The following ATXN8OS variants were observed in gnomAD, a reference collection of about 807,000 sequenced individuals.
The protein encoded by ATXN8OS is ATXN8 opposite strand lncRNA.
At chr13:70,127,526 C>A (rs1888456734) in intron 2 of ATXN8OS, among the ~76,000 whole-genome samples, 1 of 151,838 alleles carries the variant, frequency 6.6e-6, no homozygotes, top group African/African-American at 2.4e-5. Flanking sequence ...TTTCTATAAT[C>A]ATGTATTTCA....
At position 70,121,455 on chromosome 13, in the gene ATXN8OS, A is replaced by T. The variant is rs376219656; in HGVS notation, n.398+6157A>T. Among the ~76,000 whole-genome samples the T allele has an allele frequency of 1.4e-4, 22 of 152,236 alleles. No homozygotes were observed. The East Asian group carries it at 3.1e-3, about 21-fold the overall frequency. ...GAAAGGGTGTATAATTTAAGATTTTAAGAAAGGTGACCTGTATTGGATTAG... is the reference window on the plus strand; with the variant it reads ...GAAAGGGTGTATAATTTAAGATTTTTAGAAAGGTGACCTGTATTGGATTAG... On this transcript the variant is annotated intron_variant and non_coding_transcript_variant, in intron 2 of 4. Coordinates refer to ENST00000678624, the Ensembl canonical transcript of ATXN8OS.
At chr13:70,145,244 G>T (rs1050753400) in intron 3 of ATXN8OS, among the ~76,000 whole-genome samples, 4 of 152,090 alleles carry the variant, frequency 2.6e-5, no homozygotes, top group Non-Finnish European at 5.9e-5. Context: ...TGCTGTTTTG[G>T]TTACTGTAGC....
At chr13:70,138,497 A>G (rs978137337) in intron 3 of ATXN8OS, among the ~76,000 whole-genome samples, 4 of 152,080 alleles carry the variant, frequency 2.6e-5, no homozygotes, top group Non-Finnish European at 5.9e-5. Context: ...CTATCTCATT[A>G]TATTTATTCA....
At chr13:70,146,060 T>A in intron 3 of ATXN8OS, among the ~76,000 whole-genome samples, 1 of 37,900 alleles carries the variant, frequency 2.6e-5, no homozygotes, top group African/African-American at 1.3e-4. Flanking sequence ...TCAAACAAAT[T>A]TACAAGAAAA....
intron 1 of ATXN8OS, among the ~76,000 whole-genome samples, chr13:70,113,298 T>C (rs1462378898): frequency 7.1e-6 from 1 of 141,244 alleles, no homozygotes; most frequent in Non-Finnish European, 1.6e-5. Context: ...TGTAGACATA[T>C]AGATATAGAT....
chr13:70,117,480 T>C (rs1888296602), intron 2 of ATXN8OS, among the ~76,000 whole-genome samples: 1 of 152,110 alleles, frequency 6.6e-6, no homozygotes, highest in South Asian at 2.1e-4. Flanking sequence ...GTGCAAGAAG[T>C]CACAGCTTGA....
intron 2 of ATXN8OS, among the ~76,000 whole-genome samples, chr13:70,120,765 T>C (rs1888348794): frequency 6.6e-6 from 1 of 152,104 alleles, no homozygotes; most frequent in South Asian, 2.1e-4. Context: ...GTTCATGTCC[T>C]TTGTAGGGAC....
At chr13:70,108,132 C>T (rs1888123326) in intron 1 of ATXN8OS, 1 of 404,040 alleles carries the variant, frequency 2.5e-6, no homozygotes, top group Non-Finnish European at 4.4e-6. Context: ...GTGGCAGAGC[C>T]TTAGTAGGGA....
chr13:70,127,128 GTAAA>G (rs1263604452), intron 2 of ATXN8OS, among the ~76,000 whole-genome samples: 1 of 151,794 alleles, frequency 6.6e-6, no homozygotes, highest in Non-Finnish European at 1.5e-5. Context: ...ATCAAAAACT[GTAAA>G]TAAATTCAAA....
intron 3 of ATXN8OS, among the ~76,000 whole-genome samples, chr13:70,147,213 T>C (rs993436656): frequency 9.2e-5 from 14 of 152,182 alleles, no homozygotes; most frequent in African/African-American, 3.4e-4. Context: ...AAAAGAAATA[T>C]TGTTCACTGT....
At chr13:70,144,181 T>C (rs1376415755) in intron 3 of ATXN8OS, among the ~76,000 whole-genome samples, 2 of 152,128 alleles carry the variant, frequency 1.3e-5, no homozygotes, top group African/African-American at 4.8e-5. Context: ...TTTCACATTC[T>C]TCATCCCATT....
intron 3 of ATXN8OS, chr13:70,130,622 C>G (rs1273367586): frequency 2.5e-6 from 1 of 397,798 alleles, no homozygotes; most frequent in Non-Finnish European, 4.4e-6. Context: ...GTAAGTAATG[C>G]AGAGCAACAA....
At chr13:70,161,427 T>C (rs761771145) in intron 4 of ATXN8OS, among the ~76,000 whole-genome samples, 5 of 152,096 alleles carry the variant, frequency 3.3e-5, no homozygotes, top group Admixed American at 6.6e-5. Flanking sequence ...TGCTTTTTTG[T>C]TTTTCTCTTT....
chr13:70,121,589 T>C (rs945225040), intron 2 of ATXN8OS, among the ~76,000 whole-genome samples: 4 of 152,094 alleles, frequency 2.6e-5, no homozygotes, highest in African/African-American at 9.7e-5. Flanking sequence ...GGTTCAGAAA[T>C]AAGAAGCTGG....
At chr13:70,114,947 TATC>T (rs1218163334) in intron 1 of ATXN8OS, among the ~76,000 whole-genome samples, 1 of 152,064 alleles carries the variant, frequency 6.6e-6, no homozygotes, top group Non-Finnish European at 1.5e-5. Flanking sequence ...AGATTCTCAA[TATC>T]ATTTCCTCAG....
chr13:70,165,923 A>G (rs1055754091), intron 4 of ATXN8OS, among the ~76,000 whole-genome samples: 2 of 152,080 alleles, frequency 1.3e-5, no homozygotes, highest in African/African-American at 4.8e-5. Context: ...AAGTAAAATA[A>G]TAATAGCACA....
intron 4 of ATXN8OS, among the ~76,000 whole-genome samples, chr13:70,167,889 C>T (rs1889097291): frequency 6.6e-6 from 1 of 151,772 alleles, no homozygotes; most frequent in South Asian, 2.1e-4. Flanking sequence ...GCGTGTGCCG[C>T]CACTCCTGAC....
At chr13:70,145,074 G>C (rs1043022890) in intron 3 of ATXN8OS, among the ~76,000 whole-genome samples, 2 of 152,070 alleles carry the variant, frequency 1.3e-5, no homozygotes, top group Non-Finnish European at 2.9e-5. Flanking sequence ...CATATGTCTA[G>C]ACAGTTTTCC....
Position 70,127,049 on chromosome 13 carries a change from C to T in ATXN8OS, n.399-2735C>T, listed in dbSNP as rs138066150. 4.2e-3 allele frequency among the ~76,000 whole-genome samples: 635 copies of T among 151,960 alleles called. 4 individuals carry two copies. Among genetic ancestry groups the T allele is most frequent in the African/African-American group, 0.015 (608 of 41,552 alleles). On this transcript the variant is annotated intron_variant and non_coding_transcript_variant, in intron 2 of 4. Coordinates refer to ENST00000678624, the Ensembl canonical transcript of ATXN8OS. ...AATCTTAAGCTCTGTCACTCTATCT[C>T]TCTGTCTCTTTCTCTATGTCTTTAT...
Sources: gnomAD v4.1 joint callset for allele counts (sites outside exome capture counted in the v4.1 genomes callset) on GRCh38, gnomAD v4.1.1 for gene constraint, MANE v1.5 for transcripts, NCBI Gene and HGNC (gene_info 2026-07-23, HGNC 2026-07-21) for gene names.